SH3RF3: variants seen among roughly 807,000 people sequenced by gnomAD.
SH3RF3 encodes the protein E3 ubiquitin-protein ligase SH3RF3.
Under a neutral mutation model 66.3 loss-of-function variants are expected in SH3RF3, and 29 were observed. The observed-to-expected ratio is 0.44, with a 90% confidence interval of 0.33 to 0.60. SH3RF3 has a LOEUF of 0.60. SH3RF3 is among the 20% of genes least tolerant of loss of function. The pLI is 0.04. For missense variants in SH3RF3, 1,194 were observed against 1,190.9 expected (o/e 1.00, Z -0.04); for synonymous variants, 583 against 532.0 (o/e 1.10, Z -1.32).
chr2:109,374,880 G>T (rs946963416), intron 3 of SH3RF3, among the ~76,000 whole-genome samples: 4 of 152,308 alleles, frequency 2.6e-5, no homozygotes, highest in Non-Finnish European at 4.4e-5. Context: ...ATGATGCTAA[G>T]CCCACGGTGG....
At chr2:109,271,120 G>A (rs1166780590) in intron 1 of SH3RF3, among the ~76,000 whole-genome samples, 3 of 152,182 alleles carry the variant, frequency 2.0e-5, no homozygotes, top group Non-Finnish European at 2.9e-5. Flanking sequence ...CGAACGGGGC[G>A]AAGTGCAGGC....
chr2:109,428,340 C>G (rs1442817582), intron 5 of SH3RF3, among the ~76,000 whole-genome samples: 3 of 152,246 alleles, frequency 2.0e-5, no homozygotes, highest in Admixed American at 2.0e-4. Context: ...CAATTAGCAG[C>G]AAGTAAAGAT....
At chr2:109,388,166 T>C (rs927497736) in intron 3 of SH3RF3, among the ~76,000 whole-genome samples, 2 of 152,188 alleles carry the variant, frequency 1.3e-5, no homozygotes, top group Non-Finnish European at 2.9e-5. Context: ...CTTATGTCCT[T>C]TTGGTTGAAA....
chr2:109,220,891 T>C (rs1679217200), intron 1 of SH3RF3, among the ~76,000 whole-genome samples: 1 of 152,246 alleles, frequency 6.6e-6, no homozygotes, highest in African/African-American at 2.4e-5. Flanking sequence ...CAGAATTAAC[T>C]ATATAATCCA....
chr2:109,433,533 A>G (rs550970065), intron 6 of SH3RF3, among the ~76,000 whole-genome samples: 1 of 152,346 alleles, frequency 6.6e-6, no homozygotes, highest in Admixed American at 6.5e-5. Flanking sequence ...TGCAGGACAC[A>G]CACACAGAAG....
chr2:109,346,180 G>T (rs1417530128), intron 1 of SH3RF3, among the ~76,000 whole-genome samples: 1 of 152,148 alleles, frequency 6.6e-6, no homozygotes, highest in Admixed American at 6.5e-5. Flanking sequence ...GGAAGCAAAC[G>T]GATTTTTTTT....
chr2:109,387,856 G>T (rs1675865862), intron 3 of SH3RF3, among the ~76,000 whole-genome samples: 1 of 134,334 alleles, frequency 7.4e-6, no homozygotes, highest in Non-Finnish European at 1.5e-5. Flanking sequence ...GCCCCAGATG[G>T]TTGGGGGGGG....
At chr2:109,279,424 T>A (rs777735565) in intron 1 of SH3RF3, among the ~76,000 whole-genome samples, 1 of 152,206 alleles carries the variant, frequency 6.6e-6, no homozygotes, top group Non-Finnish European at 1.5e-5. Context: ...TCCCTTGACC[T>A]CCTCCTGTCT....
chr2:109,199,228 G>T, intron 1 of SH3RF3, among the ~76,000 whole-genome samples: 1 of 143,962 alleles, frequency 6.9e-6, no homozygotes, highest in Admixed American at 7.1e-5. Context: ...GCGTGGTGGC[G>T]GGTGCCTGTA....
intron 1 of SH3RF3, among the ~76,000 whole-genome samples, chr2:109,134,435 G>A (rs747547823): frequency 1.3e-5 from 2 of 152,174 alleles, no homozygotes; most frequent in Non-Finnish European, 2.9e-5. Flanking sequence ...TGTTCAGAAG[G>A]CCCCTGAGTG....
At chr2:109,303,503 A>G (rs925171600) in intron 1 of SH3RF3, among the ~76,000 whole-genome samples, 3 of 152,208 alleles carry the variant, frequency 2.0e-5, no homozygotes, top group African/African-American at 7.2e-5. Flanking sequence ...TTTCAGGCCT[A>G]GGTAGCCAGT....
intron 1 of SH3RF3, among the ~76,000 whole-genome samples, chr2:109,132,628 T>C (rs915710135): frequency 6.6e-6 from 1 of 152,252 alleles, no homozygotes; most frequent in Non-Finnish European, 1.5e-5. Flanking sequence ...TGGCAAATAC[T>C]ATATGTGTGT....
intron 1 of SH3RF3, among the ~76,000 whole-genome samples, chr2:109,276,641 C>T (rs1680764354): frequency 6.6e-6 from 1 of 152,196 alleles, no homozygotes; most frequent in African/African-American, 2.4e-5. Context: ...GGCTAAGGCG[C>T]TGGACAAATC....
At chr2:109,182,626 T>C (rs763447616) in intron 1 of SH3RF3, among the ~76,000 whole-genome samples, 3 of 152,242 alleles carry the variant, frequency 2.0e-5, no homozygotes, top group Non-Finnish European at 4.4e-5. Context: ...AATTGGTGAC[T>C]AAAGGAATGA....
At chr2:109,414,436 G>A in intron 4 of SH3RF3, among the ~76,000 whole-genome samples, 1 of 152,082 alleles carries the variant, frequency 6.6e-6, no homozygotes, top group East Asian at 1.9e-4. Context: ...TTTTCAGGCA[G>A]GAGGGTAAAC....
At chr2:109,501,393 G>A in intron 9 of SH3RF3, 110 bp from the exon 10 acceptor site, 1 of 566,836 alleles carries the variant, frequency 1.8e-6, no homozygotes, top group Non-Finnish European at 3.2e-6. Flanking sequence ...TGTATAAAGT[G>A]GGAAAATAGC....
chr2:109,257,139 C>G (rs574455066), intron 1 of SH3RF3, among the ~76,000 whole-genome samples: 1 of 152,148 alleles, frequency 6.6e-6, no homozygotes, highest in Non-Finnish European at 1.5e-5. Context: ...ACTCTGCAGC[C>G]GACATTCACT....
At chr2:109,269,572 A>G (rs1008730577) in intron 1 of SH3RF3, among the ~76,000 whole-genome samples, 2 of 152,182 alleles carry the variant, frequency 1.3e-5, no homozygotes, top group Non-Finnish European at 1.5e-5. Context: ...CTTGAGCCCA[A>G]GAGTTGGAGA....
chr2:109,360,573 A>ATC (rs1404979183), intron 2 of SH3RF3, among the ~76,000 whole-genome samples: 1 of 152,248 alleles, frequency 6.6e-6, no homozygotes, highest in Non-Finnish European at 1.5e-5. Context: ...ATCTGAAAAC[A>ATC]TCTGAAGTCC....
Sources: gnomAD v4.1 joint callset for allele counts (sites outside exome capture counted in the v4.1 genomes callset) on GRCh38, gnomAD v4.1.1 for gene constraint, MANE v1.5 for transcripts, NCBI Gene and HGNC (gene_info 2026-07-23, HGNC 2026-07-21) for gene names.